FILIP1: variants seen among roughly 807,000 people sequenced by gnomAD.
The protein encoded by FILIP1 is filamin-A-interacting protein 1.
In FILIP1, 61 loss-of-function variants were observed where a neutral mutation model predicts 102.1. The observed-to-expected ratio is 0.60, with a 90% CI of 0.49 to 0.74. The LOEUF (loss-of-function observed/expected upper bound fraction) is 0.74. Among genes scored for constraint, FILIP1 ranks in the 30% least tolerant of loss-of-function variants. The pLI, the probability that FILIP1 is intolerant of heterozygous loss-of-function variation, is 0.00. For synonymous variants in FILIP1, 491 were observed against 526.9 expected, an observed-to-expected ratio of 0.93 and a Z score of 0.93; for missense variants, 1,314 against 1,441.2, an observed-to-expected ratio of 0.91 and a Z score of 1.43.
intron 1 of FILIP1, among the ~76,000 whole-genome samples, chr6:75,418,966 T>C (rs1777361393): frequency 6.6e-6 from 1 of 152,056 alleles, no homozygotes; most frequent in African/African-American, 2.4e-5. Flanking sequence ...TTATCTATGG[T>C]CCTCTCTCCT....
At chr6:75,451,915 T>C (rs1778646856) in intron 1 of FILIP1, among the ~76,000 whole-genome samples, 1 of 152,172 alleles carries the variant, frequency 6.6e-6, no homozygotes, top group Non-Finnish European at 1.5e-5. Flanking sequence ...ACACAACTAA[T>C]AGAAATATCA....
At chr6:75,472,955 C>T (rs2149766624) in intron 1 of FILIP1, among the ~76,000 whole-genome samples, 1 of 152,300 alleles carries the variant, frequency 6.6e-6, no homozygotes, top group Non-Finnish European at 1.5e-5. Context: ...CTCAAATTCT[C>T]TTAGCCATAT....
intron 2 of FILIP1, chr6:75,399,204 G>C (rs1373679069): frequency 3.3e-5 from 5 of 152,204 alleles, no homozygotes; most frequent in Non-Finnish European, 7.4e-5. Context: ...AGAGCAAGAT[G>C]CACTTGAGGA....
At chr6:75,357,787 A>G (rs1265172524) in intron 3 of FILIP1, among the ~76,000 whole-genome samples, 1 of 152,232 alleles carries the variant, frequency 6.6e-6, no homozygotes, top group South Asian at 2.1e-4. Context: ...TTGGAACTAC[A>G]TCAGTCACCT....
rs557877473 is a variant in FILIP1 at position 75,310,742 on chromosome 6, A to C, written c.3435+1655T>G. Among the ~76,000 whole-genome samples the C allele has an allele frequency of 3.3e-5, 5 of 152,284 alleles. 1 individual carries two copies. In the South Asian group the frequency reaches 1.0e-3, roughly 32 times the overall value. On this transcript the variant is annotated intron_variant, in intron 5 of 5. Transcript: ENST00000237172. ...ATAAAATGCAGCAGAAAGAAGCAAA[A>C]CCCTACACAACCAAGCTATGCTCTA...
intron 1 of FILIP1, among the ~76,000 whole-genome samples, chr6:75,445,844 T>C (rs1166764562): frequency 6.6e-6 from 1 of 152,108 alleles, no homozygotes; most frequent in Non-Finnish European, 1.5e-5. Flanking sequence ...CATTTATTCC[T>C]TTAGGACAGT....
At position 75,398,266 on chromosome 6, in the gene FILIP1, G is replaced by A. The variant is rs558447440; in HGVS notation, c.276+16431C>T. Among the ~76,000 whole-genome samples, 33 of 152,238 alleles carry A rather than the reference G, an allele frequency of 2.2e-4. 1 individual carries two copies. The South Asian group carries it at 6.6e-3, about 31-fold the overall frequency. ...ACAGCCATATGATATGAGTCACTTTGAGCCCTTGATTGTTTTGAAGCTGGT... is the reference window on the plus strand; with the variant it reads ...ACAGCCATATGATATGAGTCACTTTAAGCCCTTGATTGTTTTGAAGCTGGT... On this transcript the variant is annotated intron_variant, in intron 2 of 5. Transcript: ENST00000237172.
chr6:75,475,396 A>T (rs1582561832), intron 1 of FILIP1, among the ~76,000 whole-genome samples: 1 of 152,164 alleles, frequency 6.6e-6, no homozygotes, highest in Non-Finnish European at 1.5e-5. Context: ...TCCTCTCCTG[A>T]AATCAGCTCA....
At chr6:75,462,783 A>T (rs1779062313) in intron 1 of FILIP1, among the ~76,000 whole-genome samples, 1 of 152,064 alleles carries the variant, frequency 6.6e-6, no homozygotes, top group South Asian at 2.1e-4. Context: ...GGGTGCAGAG[A>T]TGGGTCATTC....
chr6:75,381,703 T>C (rs1775910558), intron 2 of FILIP1, among the ~76,000 whole-genome samples: 1 of 152,174 alleles, frequency 6.6e-6, no homozygotes, highest in Non-Finnish European at 1.5e-5. Context: ...TGACTTTGGA[T>C]TTGTAGATTT....
chr6:75,455,563 T>G (rs1244731186), intron 1 of FILIP1, among the ~76,000 whole-genome samples: 5 of 152,162 alleles, frequency 3.3e-5, no homozygotes, highest in Non-Finnish European at 5.9e-5. Flanking sequence ...GGGGGAAAAT[T>G]TTTAAAGGTG....
intron 4 of FILIP1, chr6:75,318,998 A>G (rs1160000616): frequency 1.4e-5 from 9 of 643,718 alleles, no homozygotes; most frequent in Middle Eastern, 5.0e-4. Flanking sequence ...AATGCTTTAT[A>G]GACATGAAAA....
At chr6:75,397,597 T>C (rs1365865703) in intron 2 of FILIP1, among the ~76,000 whole-genome samples, 20 of 150,658 alleles carry the variant, frequency 1.3e-4, no homozygotes, top group African/African-American at 4.6e-4. Flanking sequence ...TATATATATA[T>C]ATATATAATT....
chr6:75,377,748 T>G (rs565382399), intron 2 of FILIP1, among the ~76,000 whole-genome samples: 172 of 152,374 alleles, frequency 1.1e-3, no homozygotes, highest in African/African-American at 3.6e-3. Flanking sequence ...TTATTGTGCT[T>G]CTTCTTTTCA....
Position 75,308,316 on chromosome 6 carries a change from G to C in FILIP1, c.*375C>G, listed in dbSNP as rs781428654. On this transcript the variant is annotated 3_prime_UTR_variant, in exon 6 of 6. Coordinates refer to ENST00000237172, the MANE Select transcript of FILIP1 (RefSeq NM_015687.5). ...TTAATAAAAAATTATTGTGGAACAA[G>C]GTACATTAAATTTGGCTTGCAATTA... The C allele has an allele frequency of 1.2e-4, 119 of 1,008,750 alleles. No individual in the cohort carries two copies. The highest frequency in any genetic ancestry group is 1.4e-4 in the Non-Finnish European group (115 of 843,150). The allele number at this position is 1,008,750 out of a possible 1,614,324, so 62.5% of individuals were successfully genotyped here. A position where few individuals can be genotyped will look rare whatever the true frequency, so the allele number is the denominator to read the frequency against.
chr6:75,481,000 T>C (rs1265671517), intron 1 of FILIP1, among the ~76,000 whole-genome samples: 1 of 152,224 alleles, frequency 6.6e-6, no homozygotes, highest in Non-Finnish European at 1.5e-5. Context: ...AGCTTTTCAA[T>C]AACACTCATG....
intron 2 of FILIP1, among the ~76,000 whole-genome samples, chr6:75,402,979 C>A (rs1033317618): frequency 2.0e-5 from 3 of 152,032 alleles, no homozygotes; most frequent in Non-Finnish European, 2.9e-5. Context: ...TATGCCTAAC[C>A]CTTTTCTAGA....
At chr6:75,393,809 G>T (rs1247773523) in intron 2 of FILIP1, among the ~76,000 whole-genome samples, 1 of 152,144 alleles carries the variant, frequency 6.6e-6, no homozygotes, top group Non-Finnish European at 1.5e-5. Context: ...CTTTCTGTTG[G>T]GTTCTGCTAA....
chr6:75,354,757 A>G (rs1030136286), intron 3 of FILIP1, among the ~76,000 whole-genome samples: 3 of 152,190 alleles, frequency 2.0e-5, no homozygotes, highest in Non-Finnish European at 2.9e-5. Context: ...ACAAAGCTCT[A>G]TACTCAGAAA....
Sources: gnomAD v4.1 joint callset for allele counts (sites outside exome capture counted in the v4.1 genomes callset) on GRCh38, gnomAD v4.1.1 for gene constraint, MANE v1.5 for transcripts, NCBI Gene and HGNC (gene_info 2026-07-23, HGNC 2026-07-21) for gene names.